PEAK1: variants seen among roughly 807,000 people sequenced by gnomAD.
PEAK1 encodes the protein pseudopodium enriched atypical kinase 1, also known as inactive tyrosine-protein kinase PEAK1.
Under a neutral mutation model 124.7 loss-of-function variants are expected in PEAK1, and 54 were observed. That is an observed-to-expected ratio of 0.43 (90% CI 0.35 to 0.54). The LOEUF (loss-of-function observed/expected upper bound fraction) is 0.54. Among genes scored for constraint, PEAK1 ranks in the 20% least tolerant of loss-of-function variants. The pLI is 0.01. For missense variants in PEAK1, 2,046 were observed against 2,134.5 expected (o/e 0.96, Z 0.82); for synonymous variants, 719 against 760.0 (o/e 0.95, Z 0.89).
At chr15:77,107,474 C>A (rs1325859775), downstream of PEAK1, 1 of 152,224 alleles carries the variant, frequency 6.6e-6, no homozygotes, top group African/African-American at 2.4e-5. Flanking sequence ...AGCAGAGACA[C>A]CGGGTTGGAG....
At position 77,256,832 on chromosome 15, in the gene PEAK1, C is replaced by T. The variant is rs547809560; in HGVS notation, c.-274-4306G>A. 3.3e-5 allele frequency among the ~76,000 whole-genome samples: 5 copies of T among 152,064 alleles called. No homozygotes were observed. The East Asian group carries it at 7.8e-4, about 24-fold the overall frequency. ...TGCTGGTGTGCTGCACCCATTAACTCGTCATTTAGCATTAGCTATATCTCC... is the reference window on the plus strand; with the variant it reads ...TGCTGGTGTGCTGCACCCATTAACTTGTCATTTAGCATTAGCTATATCTCC... On this transcript the variant is annotated intron_variant, in intron 5 of 9. Coordinates refer to ENST00000682557, the MANE Select transcript of PEAK1 (RefSeq NM_001385026.1).
chr15:77,181,975 A>T lies in PEAK1; in HGVS notation c.-49T>A. ...CAATGCTTTTCTTTCAGTGCATGACAAAACTTTCATCTGTTAGTTTTCACT... is the reference window on the plus strand; with the variant it reads ...CAATGCTTTTCTTTCAGTGCATGACTAAACTTTCATCTGTTAGTTTTCACT... On this transcript the variant is annotated 5_prime_UTR_variant, in exon 7 of 10. An upstream open reading frame in the 5' UTR gains an earlier in-frame stop. Coordinates refer to ENST00000682557, the MANE Select transcript of PEAK1 (RefSeq NM_001385026.1). 1 of 1,509,718 alleles carries T rather than the reference A, an allele frequency of 6.6e-7. No homozygotes were observed. Among genetic ancestry groups the T allele is most frequent in the South Asian group, 1.4e-5 (1 of 72,920 alleles). The allele number at this position is 1,509,718 out of a possible 1,614,324, so 93.5% of individuals were successfully genotyped here.
chr15:77,240,690 A>G (rs1415186406), intron 6 of PEAK1, among the ~76,000 whole-genome samples: 1 of 152,150 alleles, frequency 6.6e-6, no homozygotes, highest in African/African-American at 2.4e-5. Context: ...AAGTAAATCT[A>G]CGGGTGTAAT....
chr15:77,144,990 T>C (rs1240543557), intron 8 of PEAK1, among the ~76,000 whole-genome samples: 1 of 152,258 alleles, frequency 6.6e-6, no homozygotes, highest in African/African-American at 2.4e-5. Context: ...TTTTGTGGCA[T>C]ACCAGTGTTC....
intron 6 of PEAK1, among the ~76,000 whole-genome samples, chr15:77,242,431 T>C (rs2060399611): frequency 6.6e-6 from 1 of 152,140 alleles, no homozygotes; most frequent in Non-Finnish European, 1.5e-5. Context: ...TATTGCACTA[T>C]TTAAACAATT....
chr15:77,337,032 T>C lies in PEAK1; in HGVS notation c.-603+28131A>G, dbSNP rs186375184. 4.1e-4 allele frequency: 303 copies of C among 731,024 alleles called. 2 individuals carry two copies. The African/African-American group carries it at 5.6e-3, about 14-fold the overall frequency. The allele number at this position is 731,024 out of a possible 1,614,324, so 45.3% of individuals were successfully genotyped here. On this transcript the variant is annotated intron_variant, in intron 2 of 9. Coordinates refer to ENST00000682557, the MANE Select transcript of PEAK1 (RefSeq NM_001385026.1). ...CCAAAGACATAAATTAACTAGATTA[T>C]AGTAGGTGTTTATGGAGGAAACAGA...
At chr15:77,346,273 C>T in intron 2 of PEAK1, 1 of 937,160 alleles carries the variant, frequency 1.1e-6, no homozygotes, top group Non-Finnish European at 1.3e-6. Context: ...GCTGTCTTGA[C>T]TCAGAATTCA....
At position 77,351,829 on chromosome 15, in the gene PEAK1, G is replaced by C. The variant is rs138974144; in HGVS notation, c.-603+13334C>G. The C allele has an allele frequency of 5.2e-5, 51 of 985,408 alleles. No homozygotes were observed. In the East Asian group the frequency reaches 3.7e-3, roughly 72 times the overall value. The allele number at this position is 985,408 out of a possible 1,614,324, so 61.0% of individuals were successfully genotyped here. ...AGTTTTGAACACGGGTGTGGTAACAGTTTGAGTTTTAGACAATTATTTCCG... is the reference window on the plus strand; with the variant it reads ...AGTTTTGAACACGGGTGTGGTAACACTTTGAGTTTTAGACAATTATTTCCG... On this transcript the variant is annotated intron_variant, in intron 2 of 9. Coordinates refer to ENST00000682557, the MANE Select transcript of PEAK1 (RefSeq NM_001385026.1).
At chr15:77,298,061 T>C (rs1365329240) in intron 2 of PEAK1, among the ~76,000 whole-genome samples, 1 of 37,408 alleles carries the variant, frequency 2.7e-5, no homozygotes, top group Non-Finnish European at 4.8e-5. Context: ...CGAGACTCCG[T>C]CTCAAAAAAA....
intron 6 of PEAK1, among the ~76,000 whole-genome samples, chr15:77,197,847 T>G (rs2058182985): frequency 6.6e-6 from 1 of 152,104 alleles, no homozygotes; most frequent in South Asian, 2.1e-4. Flanking sequence ...ACATATGGAT[T>G]TTTTCAATAA....
intron 6 of PEAK1, among the ~76,000 whole-genome samples, chr15:77,200,246 A>AT (rs891336340): frequency 8.5e-5 from 13 of 152,202 alleles, no homozygotes; most frequent in Admixed American, 5.9e-4. Flanking sequence ...TCTTAATAGC[A>AT]TTTTTTCTCC....
At chr15:77,265,568 A>G (rs1379620031) in intron 5 of PEAK1, among the ~76,000 whole-genome samples, 1 of 152,220 alleles carries the variant, frequency 6.6e-6, no homozygotes, top group Non-Finnish European at 1.5e-5. Context: ...ACCATCTCAC[A>G]CCAGTTAGAA....
At chr15:77,308,516 A>G (rs1245702377) in intron 2 of PEAK1, among the ~76,000 whole-genome samples, 1 of 152,064 alleles carries the variant, frequency 6.6e-6, no homozygotes, top group Non-Finnish European at 1.5e-5. Flanking sequence ...TCAGTTATGT[A>G]TGCTTCTCCC....
chr15:77,343,751 G>A (rs187240782), intron 2 of PEAK1, among the ~76,000 whole-genome samples: 1 of 152,068 alleles, frequency 6.6e-6, no homozygotes, highest in East Asian at 1.9e-4. Context: ...CTCCCAAAGT[G>A]CTGGGATTAC....
intron 2 of PEAK1, among the ~76,000 whole-genome samples, chr15:77,356,471 AACATTCATT>A (rs1179373337): frequency 4.6e-5 from 7 of 152,242 alleles, no homozygotes; most frequent in African/African-American, 1.7e-4. Flanking sequence ...CTTTAAGTTT[AACATTCATT>A]ACCCTATGAC....
chr15:77,380,727 C>T (rs1261419289), intron 1 of PEAK1, among the ~76,000 whole-genome samples: 1 of 152,102 alleles, frequency 6.6e-6, no homozygotes, highest in Admixed American at 6.5e-5. Flanking sequence ...GATCCATCCA[C>T]CTCAGCCTCC....
At chr15:77,244,775 G>A (rs1031038377) in intron 6 of PEAK1, among the ~76,000 whole-genome samples, 2 of 151,910 alleles carry the variant, frequency 1.3e-5, no homozygotes, top group Admixed American at 1.3e-4. Context: ...TTTTAGTAGA[G>A]ATGGGGTTTC....
intron 7 of PEAK1, among the ~76,000 whole-genome samples, chr15:77,175,660 G>A (rs1166179157): frequency 6.6e-6 from 1 of 152,194 alleles, no homozygotes; most frequent in Non-Finnish European, 1.5e-5. Flanking sequence ...TGGTGGGACT[G>A]TAAACTAGTT....
At chr15:77,348,370 C>A in intron 2 of PEAK1, 2 of 896,536 alleles carry the variant, frequency 2.2e-6, no homozygotes, top group Non-Finnish European at 2.7e-6. Context: ...TTAAAGGAAT[C>A]CCATCTTATT....
Sources: gnomAD v4.1 joint callset for allele counts (sites outside exome capture counted in the v4.1 genomes callset) on GRCh38, gnomAD v4.1.1 for gene constraint, MANE v1.5 for transcripts, NCBI Gene and HGNC (gene_info 2026-07-23, HGNC 2026-07-21) for gene names.